The following RIMS2 variants were observed in gnomAD, a reference collection of about 807,000 sequenced individuals.
The protein encoded by RIMS2 is regulating synaptic membrane exocytosis 2, also known as regulating synaptic membrane exocytosis protein 2.
Under a neutral mutation model 174.4 loss-of-function variants are expected in RIMS2, and 59 were observed. The ratio of observed to expected loss-of-function variants is 0.34; its 90% CI spans 0.27 to 0.42. The LOEUF is 0.42. RIMS2 is among the 10% of genes least tolerant of loss of function. The pLI, the probability that RIMS2 is intolerant of heterozygous loss-of-function variation, is 1.00. For synonymous variants in RIMS2, 606 were observed against 572.5 expected, an observed-to-expected ratio of 1.06 and a Z score of -0.84; for missense variants, 1,620 against 1,666.3, an observed-to-expected ratio of 0.97 and a Z score of 0.48.
chr8:103,828,415 A>G (rs2098804996), intron 3 of RIMS2, among the ~76,000 whole-genome samples: 1 of 152,284 alleles, frequency 6.6e-6, no homozygotes, highest in Non-Finnish European at 1.5e-5. Flanking sequence ...TGCTTTGCCT[A>G]TGTTTTAATG....
chr8:103,943,510 A>T (rs549760176), intron 14 of RIMS2, among the ~76,000 whole-genome samples: 1 of 152,300 alleles, frequency 6.6e-6, no homozygotes, highest in East Asian at 1.9e-4. Context: ...ATAAGAATTA[A>T]TTAGTCTCAA....
chr8:103,876,189 C>T (rs780342314), intron 3 of RIMS2, among the ~76,000 whole-genome samples: 13 of 151,924 alleles, frequency 8.6e-5, no homozygotes, highest in African/African-American at 2.7e-4. Context: ...AGTCAATGTC[C>T]GGAAGAGTTT....
Position 103,885,397 on chromosome 8 carries a change from G to A in RIMS2, c.798G>A (p.Met266Ile), listed in dbSNP as rs139492859. The A allele has an allele frequency of 2.5e-6, 4 of 1,612,554 alleles. No homozygotes were observed. The South Asian group carries it at 3.3e-5, about 13-fold the overall frequency. Residue 266 changes from methionine to isoleucine, a missense_variant, in exon 4 of 24, where the codon ATG (methionine) becomes ATA (isoleucine). Coordinates refer to ENST00000504942, the Ensembl canonical transcript of RIMS2. ...AGTATGCTACTTCGGATACCGCAATGCCTAGATCTCCATCAGATTATGCTG... is the reference window on the plus strand; with the variant it reads ...AGTATGCTACTTCGGATACCGCAATACCTAGATCTCCATCAGATTATGCTG...
chr8:104,169,747 T>C (rs182834264), intron 19 of RIMS2, among the ~76,000 whole-genome samples: 1 of 152,202 alleles, frequency 6.6e-6, no homozygotes, highest in East Asian at 1.9e-4. Context: ...GTTTCTCTAG[T>C]TCCTTGAGGT....
chr8:103,791,075 A>G (rs1283417752), intron 3 of RIMS2, among the ~76,000 whole-genome samples: 1 of 152,214 alleles, frequency 6.6e-6, no homozygotes, highest in East Asian at 1.9e-4. Flanking sequence ...AGAGAATGCC[A>G]CAAAAGATAC....
At chr8:104,000,115 C>T (rs2095318724) in intron 17 of RIMS2, among the ~76,000 whole-genome samples, 1 of 151,718 alleles carries the variant, frequency 6.6e-6, no homozygotes, top group Admixed American at 6.6e-5. Context: ...GTGACCTAGA[C>T]AATATGGGTA....
At chr8:104,046,933 T>G (rs1347104367) in intron 19 of RIMS2, among the ~76,000 whole-genome samples, 1 of 152,068 alleles carries the variant, frequency 6.6e-6, no homozygotes, top group Admixed American at 6.6e-5. Flanking sequence ...TTAAGTATTC[T>G]TATGATACAT....
intron 1 of RIMS2, among the ~76,000 whole-genome samples, chr8:103,619,011 T>A (rs2095569623): frequency 6.6e-6 from 1 of 151,610 alleles, no homozygotes; most frequent in African/African-American, 2.4e-5. Flanking sequence ...ATGTTTGAAC[T>A]TCTAGATCCA....
At chr8:103,963,341 T>C (rs538799293) in intron 15 of RIMS2, among the ~76,000 whole-genome samples, 1 of 152,322 alleles carries the variant, frequency 6.6e-6, no homozygotes, top group South Asian at 2.1e-4. Flanking sequence ...TTGTTGCTTA[T>C]ATGCAGAGAT....
At chr8:103,923,126 A>G (rs1350532984) in intron 10 of RIMS2, among the ~76,000 whole-genome samples, 2 of 151,900 alleles carry the variant, frequency 1.3e-5, no homozygotes, top group Non-Finnish European at 2.9e-5. Flanking sequence ...GTTGTCATTT[A>G]TAGTTAAAAA....
chr8:103,504,980 T>C (rs1290987584), intron 1 of RIMS2, among the ~76,000 whole-genome samples: 1 of 150,306 alleles, frequency 6.7e-6, no homozygotes, highest in African/African-American at 2.5e-5. Context: ...GCCTCTGGAG[T>C]AACTGGGACC....
intron 19 of RIMS2, among the ~76,000 whole-genome samples, chr8:104,120,839 T>G (rs1342384580): frequency 6.6e-6 from 1 of 152,104 alleles, no homozygotes; most frequent in Non-Finnish European, 1.5e-5. Context: ...GAGCATTGCT[T>G]ATAGGAATTT....
At chr8:103,709,563 T>C (rs1402156039) in intron 2 of RIMS2, among the ~76,000 whole-genome samples, 1 of 152,186 alleles carries the variant, frequency 6.6e-6, no homozygotes, top group Non-Finnish European at 1.5e-5. Context: ...CTAATTATTC[T>C]CCTCTACAGA....
chr8:104,109,407 A>G (rs2098137621), intron 19 of RIMS2, among the ~76,000 whole-genome samples: 1 of 151,620 alleles, frequency 6.6e-6, no homozygotes, highest in African/African-American at 2.4e-5. Flanking sequence ...ACAGAACTTG[A>G]TTGAGTCCTT....
intron 1 of RIMS2, among the ~76,000 whole-genome samples, chr8:103,560,474 A>G (rs1049598498): frequency 2.0e-5 from 3 of 152,256 alleles, no homozygotes; most frequent in Non-Finnish European, 4.4e-5. Context: ...TGCCCTTTAT[A>G]TAAACAATCT....
chr8:103,501,157 T>G, intron 1 of RIMS2, 95 bp downstream of exon 1: 1 of 975,894 alleles, frequency 1.0e-6, no homozygotes, highest in Non-Finnish European at 1.4e-6. Context: ...TTCGCCGCCC[T>G]CCCTCCCGCT....
At chr8:103,537,752 C>T (rs1015902119) in intron 1 of RIMS2, among the ~76,000 whole-genome samples, 2 of 152,020 alleles carry the variant, frequency 1.3e-5, no homozygotes, top group African/African-American at 2.4e-5. Flanking sequence ...GGTAGTATTC[C>T]CTGACTGCTG....
At chr8:104,193,201 A>G (rs2099006604) in intron 19 of RIMS2, among the ~76,000 whole-genome samples, 1 of 152,072 alleles carries the variant, frequency 6.6e-6, no homozygotes, top group African/African-American at 2.4e-5. Context: ...TATATAACTC[A>G]TAAATGTGTT....
chr8:103,869,327 C>G (rs1276427548), intron 3 of RIMS2, among the ~76,000 whole-genome samples: 1 of 151,936 alleles, frequency 6.6e-6, no homozygotes, highest in African/African-American at 2.4e-5. Context: ...TCCTGAGTAG[C>G]TGGGATTACA....
Sources: allele counts gnomAD v4.1 joint callset (sites outside exome capture counted in the v4.1 genomes callset), GRCh38; gene constraint gnomAD v4.1.1; transcripts MANE v1.5; gene names NCBI Gene and HGNC (gene_info 2026-07-23, HGNC 2026-07-21).